Variants in DHDDS observed in about 807,000 individuals in gnomAD.
The protein encoded by DHDDS is dehydrodolichyl diphosphate synthase subunit.
DHDDS carries 16 observed loss-of-function variants against 46.2 expected under a neutral mutation model. The observed-to-expected ratio is 0.35, with a 90% CI of 0.23 to 0.53. The LOEUF (loss-of-function observed/expected upper bound fraction) is 0.53, where lower values mean the gene tolerates loss of function less well. DHDDS is among the 20% of genes least tolerant of loss of function. The pLI is 0.94. For missense variants in DHDDS, 340 were observed against 423.7 expected, an observed-to-expected ratio of 0.80 and a Z score of 1.73; for synonymous variants, 151 against 163.1, an observed-to-expected ratio of 0.93 and a Z score of 0.56.
chr1:26,441,295 T>C (rs2075217117), intron 3 of DHDDS, among the ~76,000 whole-genome samples: 1 of 151,454 alleles, frequency 6.6e-6, no homozygotes, highest in Non-Finnish European at 1.5e-5. Flanking sequence ...CACTCACTGG[T>C]TCAAGCGATT....
chr1:26,453,763 C>A lies in DHDDS; in HGVS notation c.543-4028C>A, dbSNP rs1021112920. On this transcript the variant is annotated intron_variant, in intron 6 of 8. Transcript: ENST00000236342. ...CCAGATCCTGTCTCAAAAAATAAAA[C>A]AAAAAAATAAACCTATTCTCATAGG... 3.3e-5 allele frequency among the ~76,000 whole-genome samples: 5 copies of A among 152,040 alleles called. No individual in the cohort carries two copies. In the South Asian group the frequency reaches 6.2e-4, roughly 19 times the overall value.
chr1:26,468,813 C>T lies in DHDDS; in HGVS notation c.766-82C>T, dbSNP rs1000983663. 7.5e-6 allele frequency: 10 copies of T among 1,333,554 alleles called. 1 individual carries two copies. The East Asian group carries it at 1.6e-4, about 21-fold the overall frequency. 82.6% of individuals were successfully genotyped at this position (1,333,554 alleles called of 1,614,324 possible). On this transcript the variant is annotated intron_variant, in intron 8 of 8. Coordinates refer to ENST00000236342, the MANE Select transcript of DHDDS (RefSeq NM_205861.3). ...CCACTTCACTTGGCCCACCCTGTGC[C>T]CCACCCCCTACCTCCTCCATCCCAG... is the stretch of plus-strand genomic sequence containing the variant.
intron 2 of DHDDS, 64 bp downstream of exon 2, chr1:26,433,072 T>G: frequency 1.3e-6 from 2 of 1,562,072 alleles, no homozygotes. Context: ...TATAAAAACC[T>G]GTTATTAAAG....
At chr1:26,467,647 T>C (rs1557454259) in intron 8 of DHDDS, 1 of 247,950 alleles carries the variant, frequency 4.0e-6, no homozygotes, top group Middle Eastern at 1.6e-3. Context: ...CTTTAAACCA[T>C]GAAGACAGAG....
At chr1:26,454,699 C>G (rs955841202) in intron 6 of DHDDS, 5 of 1,583,816 alleles carry the variant, frequency 3.2e-6, no homozygotes, top group East Asian at 2.2e-5. Context: ...TCTGGGCAAC[C>G]TCCTCTTCTG....
intron 6 of DHDDS, chr1:26,448,247 A>C (rs1275755792): frequency 3.1e-5 from 4 of 130,338 alleles, no homozygotes; most frequent in African/African-American, 1.2e-4. Flanking sequence ...CCCAGGCTGG[A>C]GTTGCAACCT....
At chr1:26,432,620 C>A (rs1570324850) in intron 1 of DHDDS, 1 of 374,880 alleles carries the variant, frequency 2.7e-6, no homozygotes, top group Non-Finnish European at 5.0e-6. Context: ...TGGCAGGAAA[C>A]CGACTTAGAT....
At chr1:26,451,412 G>A (rs2075318356) in intron 6 of DHDDS, among the ~76,000 whole-genome samples, 1 of 36,546 alleles carries the variant, frequency 2.7e-5, no homozygotes, top group South Asian at 2.3e-3. Context: ...AGATGTGTGT[G>A]TGTGTGTGTG....
intron 4 of DHDDS, among the ~76,000 whole-genome samples, chr1:26,445,138 G>A (rs1375858440): frequency 6.6e-6 from 1 of 152,178 alleles, no homozygotes; most frequent in African/African-American, 2.4e-5. Flanking sequence ...TTCCTCATCT[G>A]TAAAAGGGGA....
chr1:26,459,812 CT>C (rs1302859917), intron 7 of DHDDS, among the ~76,000 whole-genome samples: 1 of 152,188 alleles, frequency 6.6e-6, no homozygotes, highest in East Asian at 1.9e-4. Context: ...CGTTTTAGTT[CT>C]GCTTTACCAC....
chr1:26,449,110 A>C (rs2075295775), intron 6 of DHDDS, among the ~76,000 whole-genome samples: 1 of 151,036 alleles, frequency 6.6e-6, no homozygotes, highest in Non-Finnish European at 1.5e-5. Context: ...TATTTTATTT[A>C]TTTTTTTGAG....
intron 8 of DHDDS, among the ~76,000 whole-genome samples, chr1:26,463,219 C>T (rs1397845002): frequency 6.6e-6 from 1 of 152,128 alleles, no homozygotes; most frequent in African/African-American, 2.4e-5. Flanking sequence ...TGCAGTAGTC[C>T]AGGTGAGAGA....
Position 26,470,550 on chromosome 1 carries a change from C to T in DHDDS, c.*1419C>T, listed in dbSNP as rs915319131. On this transcript the variant is annotated 3_prime_UTR_variant, in exon 9 of 9. Transcript: ENST00000236342. ...AGCACACAGGAAACCCCTAACTTTC[C>T]TATACCCCACCCGCCTCTTCCCCTT... The T allele has an allele frequency of 2.0e-5, 3 of 152,372 alleles. No individual in the cohort carries two copies. Among genetic ancestry groups the T allele is most frequent in the African/African-American group, 7.2e-5 (3 of 41,420 alleles). The allele number at this position is 152,372 out of a possible 1,614,324, so 9.4% of individuals were successfully genotyped here. A position where few individuals can be genotyped will look rare whatever the true frequency, so the allele number is the denominator to read the frequency against.
chr1:26,455,365 G>C (rs1325433538), intron 6 of DHDDS, among the ~76,000 whole-genome samples: 1 of 152,066 alleles, frequency 6.6e-6, no homozygotes, highest in Non-Finnish European at 1.5e-5. Flanking sequence ...CCTTCTTATT[G>C]CTCAATTATA....
chr1:26,467,056 G>A, intron 8 of DHDDS: 1 of 235,634 alleles, frequency 4.2e-6, no homozygotes, highest in South Asian at 5.2e-5. Flanking sequence ...ACCTCTGTTT[G>A]AATCCTCCTC....
At chr1:26,461,053 C>T (rs1330256301) in intron 8 of DHDDS, among the ~76,000 whole-genome samples, 1 of 151,976 alleles carries the variant, frequency 6.6e-6, no homozygotes, top group Non-Finnish European at 1.5e-5. Flanking sequence ...TTTGTATTTT[C>T]AGTAGAGACA....
intron 8 of DHDDS, chr1:26,462,809 G>A (rs1430282176): frequency 6.6e-6 from 1 of 152,198 alleles, no homozygotes; most frequent in Non-Finnish European, 1.5e-5. Context: ...CACTGTATTA[G>A]GCACAGGAGA....
chr1:26,446,191 T>A, intron 4 of DHDDS, 125 bp from the exon 5 acceptor site: 1 of 710,896 alleles, frequency 1.4e-6, no homozygotes, highest in East Asian at 2.7e-5. Context: ...AAATAATGCA[T>A]GTAGAACAGG....
At chr1:26,438,533 G>A (rs1050232294) in intron 3 of DHDDS, 8 of 444,760 alleles carry the variant, frequency 1.8e-5, no homozygotes, top group African/African-American at 1.0e-4. Context: ...GGACTAGCCC[G>A]GGTAACATAG....
Sources: gnomAD v4.1 joint callset for allele counts (sites outside exome capture counted in the v4.1 genomes callset) on GRCh38, gnomAD v4.1.1 for gene constraint, MANE v1.5 for transcripts, NCBI Gene and HGNC (gene_info 2026-07-23, HGNC 2026-07-21) for gene names.